The following ASTL variants were observed in gnomAD, a reference collection of about 807,000 sequenced individuals.
ASTL encodes the protein astacin-like metalloendopeptidase.
A neutral mutation model predicts 36.7 loss-of-function variants in ASTL; 27 were observed. That is an observed-to-expected ratio of 0.73 (90% CI 0.54 to 1.01). ASTL has a LOEUF of 1.01. Ranked by LOEUF, ASTL falls within the 50% of genes least tolerant of loss-of-function variation. The pLI is 0.00. For missense variants in ASTL, 524 were observed against 572.8 expected (o/e 0.91, Z 0.87); for synonymous variants, 222 against 228.1 (o/e 0.97, Z 0.24).
Position 96,130,086 on chromosome 2 carries a change from AG to A in ASTL, c.696del (p.Ser233ProfsTer3). 6.2e-7 allele frequency: 1 copy of A among 1,614,076 alleles called. No individual in the cohort carries two copies. Among genetic ancestry groups the A allele is most frequent in the Non-Finnish European group, 8.5e-7 (1 of 1,179,902 alleles). On this transcript the variant is annotated frameshift_variant, in exon 7 of 9. Transcript: ENST00000342380. LOFTEE classifies it high-confidence loss of function. ...CACCTCCCATAGTGCATCACAGAGG[AG>A]TAGTCATAGGGCGTCAGCATGTTGC... ...QSSNMLTPYD[Y>X]SSVMHYGRLA...
rs193106249 is a variant in ASTL at position 96,134,394 on chromosome 2, T to A, written c.244-336A>T. Among the ~76,000 whole-genome samples the A allele has an allele frequency of 8.7e-3, 1,322 of 152,320 alleles. 9 individuals carry two copies. Among genetic ancestry groups the A allele is most frequent in the Non-Finnish European group, 0.014 (931 of 68,010 alleles). The stretch of plus-strand genomic sequence containing the variant: ...TTGGGCCAGCAGCCCCACTCCAGCA[T>A]GTTGACAGTGCCCCTTCCAGAGGGG... On this transcript the variant is annotated intron_variant, in intron 3 of 8. Coordinates refer to ENST00000342380, the MANE Select transcript of ASTL (RefSeq NM_001002036.4).
In ASTL at chr2:96,123,859, G is replaced by C. The variant is rs142160446; in HGVS notation, c.1287C>G (p.Ser429=). The C allele has an allele frequency of 6.2e-7, 1 of 1,612,594 alleles. No homozygotes were observed. The highest frequency in any genetic ancestry group is 8.5e-7 in the Non-Finnish European group (1 of 1,179,460). ...GACAGAAGCCACAGGCTTAATCTTC[G>C]GACATCCCCTTGAAATGATTTCTAG... ...CVPRNHFKGM[S]ED Residue 429 remains serine (S), a synonymous_variant, in exon 9 of 9, where the codon TCC becomes TCG. Transcript: ENST00000342380.
chr2:96,128,570 T>G (rs546336240), intron 8 of ASTL, among the ~76,000 whole-genome samples: 1 of 152,332 alleles, frequency 6.6e-6, no homozygotes, highest in South Asian at 2.1e-4. Context: ...CAATGGCCCT[T>G]CATCAAGGCT....
intron 2 of ASTL, 70 bp downstream of exon 2, chr2:96,137,505 T>C: frequency 1.3e-6 from 2 of 1,535,626 alleles, no homozygotes; most frequent in Non-Finnish European, 1.8e-6. Flanking sequence ...CATTTCTGAG[T>C]GTTCGGTGTG....
intron 8 of ASTL, among the ~76,000 whole-genome samples, chr2:96,125,003 C>T (rs1445464497): frequency 6.6e-6 from 1 of 152,330 alleles, no homozygotes; most frequent in Non-Finnish European, 1.5e-5. Context: ...GAGCTACCAC[C>T]ACTGCAGCCT....
chr2:96,135,339 G>A lies in ASTL; in HGVS notation c.243+12C>T. 2 of 1,613,408 alleles carry A rather than the reference G, an allele frequency of 1.2e-6. No individual in the cohort carries two copies. The highest frequency in any genetic ancestry group is 1.1e-5 in the South Asian group (1 of 91,038). On this transcript the variant is annotated intron_variant, in intron 3 of 8. Coordinates refer to ENST00000342380, the MANE Select transcript of ASTL (RefSeq NM_001002036.4). ...CTTATCCGCACCCACACACGTCAGT[G>A]TGTGCACTCACCGGCCGGATGATGT...
chr2:96,132,895 T>A lies in ASTL; in HGVS notation c.456-174A>T, dbSNP rs922127491. Reference sequence around the variant, plus strand: ...CTCCAGGCCCCTTTACTGCCTGGACTTCTGTGAAATGGCCATACCGGACCC... The same window carrying A: ...CTCCAGGCCCCTTTACTGCCTGGACATCTGTGAAATGGCCATACCGGACCC... On this transcript the variant is annotated intron_variant, in intron 5 of 8. Coordinates refer to ENST00000342380, the MANE Select transcript of ASTL (RefSeq NM_001002036.4). This position sits in a 1 kb window ranked among gnomAD's most constrained non-coding sequence, Gnocchi z 5.4. Among the ~76,000 whole-genome samples, 2 of 152,162 alleles carry A rather than the reference T, an allele frequency of 1.3e-5. No homozygotes were observed. The highest frequency in any genetic ancestry group is 6.5e-5 in the Admixed American group (1 of 15,270).
rs765288893 is a variant in ASTL, at chr2:96,132,721, C to A, written c.456G>T (p.Gly152=). The change falls in exon 6 of 9, where the codon GGG becomes GGT. Residue 152 remains glycine (G), a splice_region_variant and synonymous_variant. Coordinates refer to ENST00000342380, the MANE Select transcript of ASTL (RefSeq NM_001002036.4). The surrounding 1 kb of genome is among the most constrained non-coding windows in gnomAD (Gnocchi z 5.4). ...RDFISIIPMY[G]CFSSVGRSGG... ...CACTGCGCCCCACACTCGAGAAGCA[C>A]CTGCAGGGTGATGAGAGCAAGTGGG... 6.9e-6 allele frequency: 11 copies of A among 1,605,382 alleles called. No homozygotes were observed. In the East Asian group the frequency reaches 1.8e-4, roughly 26 times the overall value.
Position 96,123,747 on chromosome 2 carries a change from G to T in ASTL, c.*103C>A. On this transcript the variant is annotated 3_prime_UTR_variant, in exon 9 of 9. Coordinates refer to ENST00000342380, the MANE Select transcript of ASTL (RefSeq NM_001002036.4). ...GCCCTCTGAGATGGGGTGGTAGGTT[G>T]GGGCTGGAAGACAGTGGTGTGGCCC... 1.1e-6 allele frequency: 1 copy of T among 898,910 alleles called. No homozygotes were observed. The allele number at this position is 898,910 out of a possible 1,614,324, so 55.7% of individuals were successfully genotyped here.
chr2:96,130,236 C>A, intron 6 of ASTL, 91 bp from the exon 7 acceptor site: 1 of 987,508 alleles, frequency 1.0e-6, no homozygotes, highest in South Asian at 1.4e-5. Flanking sequence ...TCTGGGAGCT[C>A]ATAACTCACC....
At position 96,123,235 on chromosome 2, in the gene ASTL, G is replaced by A. The variant is rs529466177; in HGVS notation, c.*615C>T. 6.6e-6 allele frequency among the ~76,000 whole-genome samples: 1 copy of A among 152,240 alleles called. No homozygotes were observed. Among genetic ancestry groups the A allele is most frequent in the Admixed American group, 6.5e-5 (1 of 15,292 alleles). On this transcript the variant is annotated 3_prime_UTR_variant, in exon 9 of 9. Transcript: ENST00000342380. Reference sequence around the variant, plus strand: ...AGCTGAGGTTCCCATTGTGCAATCTGGTGGGGCCCCACTTCTTTCTCGTCT... The same window carrying A: ...AGCTGAGGTTCCCATTGTGCAATCTAGTGGGGCCCCACTTCTTTCTCGTCT...
chr2:96,133,607 TGG>T, intron 4 of ASTL, 65 bp from the exon 5 acceptor site: 2 of 1,194,406 alleles, frequency 1.7e-6, no homozygotes, highest in East Asian at 2.3e-5. Flanking sequence ...CCTGAGGGTC[TGG>T]GAGCAGAGCT....
At position 96,124,221 on chromosome 2, in the gene ASTL, G is replaced by T. The variant is rs749035810; in HGVS notation, c.925C>A (p.Leu309Met). 6.6e-7 allele frequency: 1 copy of T among 1,518,658 alleles called. No individual in the cohort carries two copies. The highest frequency in any genetic ancestry group is 8.8e-7 in the Non-Finnish European group (1 of 1,135,404). 94.1% of individuals were successfully genotyped at this position (1,518,658 alleles called of 1,614,324 possible). A position where few individuals can be genotyped will look rare whatever the true frequency, so the allele number is the denominator to read the frequency against. Residue 309 changes from leucine to methionine, a missense_variant, in exon 9 of 9, where the codon CTG (leucine) becomes ATG (methionine). Leu to Met is a conservative substitution (Grantham distance 15). Transcript: ENST00000342380. This position sits in a 1 kb window ranked among gnomAD's most constrained non-coding sequence, Gnocchi z 4.1. The part of the protein sequence containing the change: ...GRSPAPASLS[L>M]QRLLEALSAE... ...GACAGTGCCTCCAAAAGCCGCTGCA[G>T]AGATAGGGAGGCCGGAGCGGGGCTC... is the stretch of plus-strand genomic sequence containing the variant.
intron 8 of ASTL, among the ~76,000 whole-genome samples, chr2:96,128,049 A>T (rs1490914366): frequency 1.3e-5 from 2 of 152,116 alleles, no homozygotes; most frequent in Non-Finnish European, 2.9e-5. Flanking sequence ...CCTAGCCAAC[A>T]TGGTGAAACC....
chr2:96,125,875 A>C (rs1464289969), intron 8 of ASTL, among the ~76,000 whole-genome samples: 1 of 152,134 alleles, frequency 6.6e-6, no homozygotes, highest in Non-Finnish European at 1.5e-5. Context: ...AACAAAAGAA[A>C]TTACGCACAA....
intron 1 of ASTL, 129 bp downstream of exon 1, chr2:96,138,253 G>T: frequency 1.1e-6 from 1 of 885,036 alleles, no homozygotes; most frequent in Non-Finnish European, 1.8e-6. Context: ...GAATAACCCT[G>T]GAGAGCTCTG....
Position 96,124,559 on chromosome 2 carries a change from A to G in ASTL, c.875-288T>C, listed in dbSNP as rs1000661502. Among the ~76,000 whole-genome samples the G allele has an allele frequency of 6.6e-6, 1 of 152,020 alleles. No homozygotes were observed. The highest frequency in any genetic ancestry group is 1.5e-5 in the Non-Finnish European group (1 of 67,966). On this transcript the variant is annotated intron_variant, in intron 8 of 8. Coordinates refer to ENST00000342380, the MANE Select transcript of ASTL (RefSeq NM_001002036.4). The surrounding 1 kb of genome is among the most constrained non-coding windows in gnomAD (Gnocchi z 4.1). ...CTGGGACACTTAAGTCACCTGACCC[A>G]GCACCAAAGCGCCCACCTTCCGGAC...
chr2:96,133,870 A>G, intron 4 of ASTL, 95 bp downstream of exon 4: 1 of 835,364 alleles, frequency 1.2e-6, no homozygotes, highest in Non-Finnish European at 2.0e-6. Flanking sequence ...GGTGGAAGGG[A>G]TGTGATGGTG....
At chr2:96,138,009 C>T (rs1008912827) in intron 1 of ASTL, among the ~76,000 whole-genome samples, 1 of 152,174 alleles carries the variant, frequency 6.6e-6, no homozygotes, top group African/African-American at 2.4e-5. Context: ...ACGCCCGTGA[C>T]GGGCAGGGCC....
Sources: allele counts gnomAD v4.1 joint callset (sites outside exome capture counted in the v4.1 genomes callset), GRCh38; gene constraint gnomAD v4.1.1; non-coding constraint Gnocchi (gnomAD v3.1); transcripts MANE v1.5; gene names NCBI Gene and HGNC (gene_info 2026-07-23, HGNC 2026-07-21).